The following SYNDIG1L variants were observed in gnomAD, a reference collection of about 807,000 sequenced individuals.
SYNDIG1L encodes the protein synapse differentiation-inducing gene protein 1-like.
Under a neutral mutation model 20.1 loss-of-function variants are expected in SYNDIG1L, and 13 were observed. The observed-to-expected ratio is 0.65, with a 90% CI of 0.42 to 1.03. The LOEUF (loss-of-function observed/expected upper bound fraction) is 1.03. Ranked by LOEUF, SYNDIG1L falls within the 50% of genes least tolerant of loss-of-function variation. The pLI is 0.00. For missense variants in SYNDIG1L, 294 were observed against 305.1 expected, an observed-to-expected ratio of 0.96 and a Z score of 0.27; for synonymous variants, 128 against 129.3, an observed-to-expected ratio of 0.99 and a Z score of 0.07.
chr14:74,427,404 A>T (rs536391865), upstream of SYNDIG1L, among the ~76,000 whole-genome samples: 5 of 152,100 alleles, frequency 3.3e-5, no homozygotes, highest in Non-Finnish European at 7.4e-5. Flanking sequence ...AGCACATAGC[A>T]TGGTGGACTC....
chr14:74,436,141 T>G, the SYNDIG1L span, among the ~76,000 whole-genome samples: 2 of 152,094 alleles, frequency 1.3e-5, no homozygotes, highest in African/African-American at 4.8e-5. Flanking sequence ...AATACATATA[T>G]GTACAAAGAG....
At chr14:74,467,953 CGGGGGGATCT>C in the SYNDIG1L span, among the ~76,000 whole-genome samples, 1 of 151,474 alleles carries the variant, frequency 6.6e-6, no homozygotes, top group Admixed American at 6.6e-5. Context: ...TCCCAAGGTC[CGGGGGGATCT>C]AGTGGCCTAG....
chr14:74,409,833 G>C (rs934958541), intron 1 of SYNDIG1L, 32 bp from the exon 2 acceptor site: 19 of 1,336,058 alleles, frequency 1.4e-5, no homozygotes, highest in Non-Finnish European at 1.7e-5. Flanking sequence ...CAAGCACTGA[G>C]GCCAGGGCAC....
intron 1 of SYNDIG1L, among the ~76,000 whole-genome samples, chr14:74,412,377 C>T (rs1001587610): frequency 2.6e-5 from 4 of 152,160 alleles, no homozygotes; most frequent in Non-Finnish European, 4.4e-5. Context: ...CTCTGTAAGC[C>T]GTATGGATTT....
At chr14:74,411,372 C>T (rs1043003135) in intron 1 of SYNDIG1L, among the ~76,000 whole-genome samples, 4 of 152,170 alleles carry the variant, frequency 2.6e-5, no homozygotes, top group South Asian at 2.1e-4. Context: ...CAGACTTTGG[C>T]GTCACCCACT....
chr14:74,449,660 A>C, the SYNDIG1L span, among the ~76,000 whole-genome samples: 10 of 151,606 alleles, frequency 6.6e-5, no homozygotes, highest in African/African-American at 1.4e-4. Context: ...GAAAAGAAAG[A>C]AAGCAAAGAA....
At position 74,409,376 on chromosome 14, in the gene SYNDIG1L, C is replaced by A; in HGVS notation, c.369G>T (p.Gly123=). Residue 123 remains glycine (G), a synonymous_variant, in exon 2 of 4, where the codon GGG becomes GGT. Transcript: ENST00000331628. ...CCTGGTCCCGCAGCTCCTCTTGTAC[C>A]CCATAGGACACAGTCTGGATGGTGA... ...ENVTIQTVSY[G]VQEELRDQED... is the part of the protein sequence containing the mutation. The A allele has an allele frequency of 6.2e-7, 1 of 1,602,520 alleles. No homozygotes were observed. The highest frequency in any genetic ancestry group is 8.5e-7 in the Non-Finnish European group (1 of 1,175,128).
the SYNDIG1L span, among the ~76,000 whole-genome samples, chr14:74,453,751 G>A: frequency 6.6e-6 from 1 of 151,978 alleles, no homozygotes; most frequent in Non-Finnish European, 1.5e-5. Context: ...TAAGGAGTTC[G>A]AGACCAGCCT....
chr14:74,445,832 G>T, the SYNDIG1L span, among the ~76,000 whole-genome samples: 1 of 152,214 alleles, frequency 6.6e-6, no homozygotes, highest in East Asian at 1.9e-4. Flanking sequence ...ATATATGAGT[G>T]TGTTTGTACA....
the SYNDIG1L span, among the ~76,000 whole-genome samples, chr14:74,436,486 G>T: frequency 6.6e-6 from 1 of 151,980 alleles, no homozygotes; most frequent in African/African-American, 2.4e-5. Flanking sequence ...TGATCCTCCT[G>T]CTTCAGCCTC....
the SYNDIG1L span, among the ~76,000 whole-genome samples, chr14:74,464,274 C>T: frequency 2.6e-5 from 4 of 152,118 alleles, no homozygotes; most frequent in South Asian, 2.1e-4. Context: ...CTTCAGGAAG[C>T]CCTCCCTGAT....
the SYNDIG1L span, among the ~76,000 whole-genome samples, chr14:74,460,994 C>T: frequency 6.6e-6 from 1 of 151,598 alleles, no homozygotes; most frequent in Non-Finnish European, 1.5e-5. Context: ...CCGTGGCCCC[C>T]TTGTCTTTTC....
At chr14:74,474,998 A>G in the SYNDIG1L span, 1 of 152,246 alleles carries the variant, frequency 6.6e-6, no homozygotes, top group Admixed American at 6.5e-5. Context: ...GTAAGCAGAC[A>G]CATAAAAATC....
At chr14:74,421,117 T>A (rs896316472) in intron 1 of SYNDIG1L, among the ~76,000 whole-genome samples, 9 of 151,906 alleles carry the variant, frequency 5.9e-5, no homozygotes, top group Admixed American at 1.3e-4. Flanking sequence ...TGAAAAAAAA[T>A]TTTTTGAATT....
At chr14:74,440,506 C>A in the SYNDIG1L span, among the ~76,000 whole-genome samples, 1 of 130,712 alleles carries the variant, frequency 7.7e-6, no homozygotes, top group Non-Finnish European at 1.5e-5. Context: ...CAGAGCGAGA[C>A]TCCGTCTCAT....
chr14:74,426,327 G>A (rs1421571303), upstream of SYNDIG1L, among the ~76,000 whole-genome samples: 3 of 152,126 alleles, frequency 2.0e-5, no homozygotes, highest in Admixed American at 2.0e-4. Context: ...AGGCACTCCG[G>A]ACCCGGCTCC....
the SYNDIG1L span, among the ~76,000 whole-genome samples, chr14:74,456,233 A>G: frequency 6.6e-6 from 1 of 152,188 alleles, no homozygotes; most frequent in African/African-American, 2.4e-5. Flanking sequence ...TAGGTAGGTC[A>G]TATTTAAGAT....
the SYNDIG1L span, among the ~76,000 whole-genome samples, chr14:74,466,662 C>T: frequency 7.9e-5 from 12 of 152,272 alleles, no homozygotes; most frequent in African/African-American, 2.9e-4. Context: ...AGTGATGGCT[C>T]CACAGGTCTC....
chr14:74,436,188 A>G, the SYNDIG1L span, among the ~76,000 whole-genome samples: 3 of 151,412 alleles, frequency 2.0e-5, no homozygotes, highest in Non-Finnish European at 2.9e-5. Flanking sequence ...CTCCCTTTGC[A>G]TGTGCCATTC....
Sources: gnomAD v4.1 joint callset for allele counts (sites outside exome capture counted in the v4.1 genomes callset) on GRCh38, gnomAD v4.1.1 for gene constraint, MANE v1.5 for transcripts, NCBI Gene and HGNC (gene_info 2026-07-23, HGNC 2026-07-21) for gene names.